SLC4A10: variants seen among roughly 807,000 people sequenced by gnomAD.
SLC4A10 encodes sodium-driven chloride bicarbonate exchanger.
SLC4A10 carries 42 observed loss-of-function variants against 137.7 expected under a neutral mutation model. The ratio of observed to expected loss-of-function variants is 0.30; its 90% CI spans 0.24 to 0.39. The LOEUF (loss-of-function observed/expected upper bound fraction) is 0.39. Ranked by LOEUF, SLC4A10 falls within the 10% of genes least tolerant of loss-of-function variation. The pLI is 1.00. For synonymous variants in SLC4A10, 474 were observed against 464.1 expected (o/e 1.02, Z -0.27); for missense variants, 925 against 1,355.0 (o/e 0.68, Z 4.98).
chr2:161,682,857 CAA>C (rs2041012807), intron 1 of SLC4A10, among the ~76,000 whole-genome samples: 1 of 151,988 alleles, frequency 6.6e-6, no homozygotes, highest in Non-Finnish European at 1.5e-5. Context: ...CCCCATAGTA[CAA>C]AAGTCATAGC....
chr2:161,783,482 G>A (rs148459055), intron 2 of SLC4A10, among the ~76,000 whole-genome samples: 204 of 152,114 alleles, frequency 1.3e-3, no homozygotes, highest in Non-Finnish European at 2.4e-3. Flanking sequence ...TACTGCAATA[G>A]TGGTAGGTAG....
chr2:161,636,803 C>T (rs1039778261), intron 1 of SLC4A10, among the ~76,000 whole-genome samples: 1 of 152,010 alleles, frequency 6.6e-6, no homozygotes, highest in Non-Finnish European at 1.5e-5. Context: ...GGTCCTCTCA[C>T]CTTGACCTCT....
At chr2:161,844,351 A>G (rs769189377) in intron 4 of SLC4A10, among the ~76,000 whole-genome samples, 33 of 152,250 alleles carry the variant, frequency 2.2e-4, no homozygotes, top group Non-Finnish European at 4.3e-4. Flanking sequence ...AGGTGTGAAA[A>G]TAATATGGAT....
chr2:161,792,955 A>C (rs1435116505), intron 2 of SLC4A10, among the ~76,000 whole-genome samples: 1 of 152,142 alleles, frequency 6.6e-6, no homozygotes, highest in East Asian at 1.9e-4. Flanking sequence ...ATAAATATTA[A>C]ATAATAATTG....
At chr2:161,728,310 C>T (rs932870844) in intron 1 of SLC4A10, among the ~76,000 whole-genome samples, 1 of 152,302 alleles carries the variant, frequency 6.6e-6, no homozygotes, top group East Asian at 1.9e-4. Flanking sequence ...CATGGTGGCT[C>T]ACGCCTGTAA....
chr2:161,836,765 A>G (rs1329401905), intron 3 of SLC4A10, among the ~76,000 whole-genome samples: 1 of 152,162 alleles, frequency 6.6e-6, no homozygotes, highest in Non-Finnish European at 1.5e-5. Context: ...AAATTATTAA[A>G]AAGTATCATA....
intron 4 of SLC4A10, among the ~76,000 whole-genome samples, chr2:161,840,948 G>A (rs1290381286): frequency 1.3e-5 from 2 of 152,174 alleles, no homozygotes; most frequent in African/African-American, 4.8e-5. Flanking sequence ...TGGAGGAGGC[G>A]ATTCTTGAGC....
At chr2:161,748,760 T>C (rs2048649689) in intron 1 of SLC4A10, among the ~76,000 whole-genome samples, 1 of 152,086 alleles carries the variant, frequency 6.6e-6, no homozygotes, top group Non-Finnish European at 1.5e-5. Flanking sequence ...CTTGGCTATT[T>C]GTGGTCTCTT....
intron 6 of SLC4A10, among the ~76,000 whole-genome samples, chr2:161,869,306 A>T (rs1236122602): frequency 2.0e-5 from 3 of 151,686 alleles, no homozygotes; most frequent in Non-Finnish European, 4.4e-5. Context: ...CTTATGTAAT[A>T]GTATTTCAGT....
rs1195085153 is a variant in SLC4A10 at position 161,983,656 on chromosome 2, C to T, written c.*504C>T. ...CTTCTTTTTAGTTTTTATAGCTTAG[C>T]ATTAGTGACTTATTTCAAAAGACCC... is the stretch of plus-strand genomic sequence containing the variant. On this transcript the variant is annotated 3_prime_UTR_variant, in exon 27 of 27. Coordinates refer to ENST00000446997, the MANE Select transcript of SLC4A10 (RefSeq NM_001178015.2). 2 of 155,086 alleles carry T rather than the reference C, an allele frequency of 1.3e-5. No individual in the cohort carries two copies. The highest frequency in any genetic ancestry group is 4.8e-5 in the African/African-American group (2 of 41,580). 9.6% of individuals were successfully genotyped at this position (155,086 alleles called of 1,614,324 possible). A position where few individuals can be genotyped will look rare whatever the true frequency, so the allele number is the denominator to read the frequency against.
chr2:161,791,921 T>C (rs1379304523), intron 2 of SLC4A10, among the ~76,000 whole-genome samples: 2 of 152,178 alleles, frequency 1.3e-5, no homozygotes. Context: ...CTTGCAGGCA[T>C]GTGTTTGCAT....
intron 1 of SLC4A10, among the ~76,000 whole-genome samples, chr2:161,645,976 C>T (rs1179330343): frequency 6.6e-6 from 1 of 151,994 alleles, no homozygotes; most frequent in Non-Finnish European, 1.5e-5. Flanking sequence ...TATATAACTT[C>T]TATTAATGCA....
intron 2 of SLC4A10, among the ~76,000 whole-genome samples, chr2:161,798,361 T>G (rs2055005741): frequency 6.6e-6 from 1 of 151,916 alleles, no homozygotes; most frequent in Admixed American, 6.6e-5. Flanking sequence ...AGAGTTCTCT[T>G]CAAGAGTAGA....
intron 2 of SLC4A10, among the ~76,000 whole-genome samples, chr2:161,773,895 C>T (rs146160670): frequency 7.2e-5 from 11 of 151,820 alleles, no homozygotes; most frequent in Non-Finnish European, 1.3e-4. Context: ...TATTAACCTC[C>T]TATTTTTGTA....
chr2:161,861,148 G>A (rs2060413155), intron 5 of SLC4A10, among the ~76,000 whole-genome samples: 1 of 152,120 alleles, frequency 6.6e-6, no homozygotes, highest in South Asian at 2.1e-4. Context: ...TCTTTCTCTG[G>A]TTTAGAGAAT....
intron 2 of SLC4A10, among the ~76,000 whole-genome samples, chr2:161,772,409 A>G (rs143861936): frequency 1.3e-5 from 2 of 151,920 alleles, no homozygotes; most frequent in Admixed American, 6.6e-5. Context: ...AGAAAAAATC[A>G]TCTTGATTTT....
intron 1 of SLC4A10, among the ~76,000 whole-genome samples, chr2:161,726,215 A>G (rs2046204658): frequency 6.6e-6 from 1 of 152,236 alleles, no homozygotes. Context: ...ACAATGAATA[A>G]TAATAGTAAG....
chr2:161,655,715 A>T (rs1238388945), intron 1 of SLC4A10, among the ~76,000 whole-genome samples: 1 of 152,212 alleles, frequency 6.6e-6, no homozygotes, highest in Non-Finnish European at 1.5e-5. Flanking sequence ...CCAAAACCAG[A>T]CAAAGACATT....
intron 20 of SLC4A10, 65 bp from the exon 21 acceptor site, chr2:161,958,419 TTGA>T (rs1190043517): frequency 2.9e-6 from 4 of 1,358,358 alleles, no homozygotes; most frequent in Non-Finnish European, 4.2e-6. Context: ...GTTTTTTTCT[TTGA>T]TAAATGCAAA....
Sources: gnomAD v4.1 joint callset for allele counts (sites outside exome capture counted in the v4.1 genomes callset) on GRCh38, gnomAD v4.1.1 for gene constraint, MANE v1.5 for transcripts, NCBI Gene and HGNC (gene_info 2026-07-23, HGNC 2026-07-21) for gene names.